Variants in XPR1 observed in about 807,000 individuals in gnomAD.
XPR1 encodes the protein solute carrier family 53 member 1.
In XPR1, 28 loss-of-function variants were observed where a neutral mutation model predicts 87.5. The ratio of observed to expected loss-of-function variants is 0.32; its 90% CI spans 0.24 to 0.44. XPR1 has a LOEUF of 0.44. Among genes scored for constraint, XPR1 ranks in the 20% least tolerant of loss-of-function variants. XPR1 has a pLI of 1.00. For missense variants in XPR1, 559 were observed against 862.3 expected, an observed-to-expected ratio of 0.65 and a Z score of 4.41; for synonymous variants, 300 against 306.1, an observed-to-expected ratio of 0.98 and a Z score of 0.21.
rs143304284 is a variant in XPR1, at chr1:180,731,289, A to C, written c.121+48878A>C. Among the ~76,000 whole-genome samples the C allele has an allele frequency of 4.6e-3, 696 of 152,334 alleles. 7 individuals carry two copies. The highest frequency in any genetic ancestry group is 0.016 in the African/African-American group (668 of 41,580). On this transcript the variant is annotated intron_variant, in intron 2 of 14. Coordinates refer to ENST00000367590, the MANE Select transcript of XPR1 (RefSeq NM_004736.4). ...CTGCTTGCCACACAGAAAGCTAATC[A>C]CTAATAAAAGTATTGCTAAGGAAGA... is the stretch of plus-strand genomic sequence containing the variant.
At chr1:180,881,336 T>C (rs1652848108) in intron 14 of XPR1, among the ~76,000 whole-genome samples, 1 of 152,112 alleles carries the variant, frequency 6.6e-6, no homozygotes, top group African/African-American at 2.4e-5. Flanking sequence ...GCTAATTTTT[T>C]GTGTTTTTGG....
intron 1 of XPR1, among the ~76,000 whole-genome samples, chr1:180,651,039 G>A (rs1655277215): frequency 6.6e-6 from 1 of 151,774 alleles, no homozygotes. Flanking sequence ...TGCATAACAG[G>A]ACCCCCTTTC....
intron 2 of XPR1, among the ~76,000 whole-genome samples, chr1:180,736,138 G>A (rs549492789): frequency 9.9e-5 from 15 of 152,206 alleles, no homozygotes; most frequent in African/African-American, 2.2e-4. Flanking sequence ...GGGGGTGGTC[G>A]GAAAACACTG....
intron 7 of XPR1, among the ~76,000 whole-genome samples, chr1:180,824,022 A>G (rs1314610623): frequency 6.6e-6 from 1 of 152,154 alleles, no homozygotes; most frequent in Admixed American, 6.5e-5. Flanking sequence ...TTTCATGGCA[A>G]CTCTGTGAGG....
Position 180,887,056 on chromosome 1 carries a change from C to G in XPR1, c.*2990C>G, listed in dbSNP as rs1653034731. 9 of 152,404 alleles carry G rather than the reference C, an allele frequency of 5.9e-5. No homozygotes were observed. Among genetic ancestry groups the G allele is most frequent in the Admixed American group, 5.9e-4 (9 of 15,302 alleles). The allele number at this position is 152,404 out of a possible 1,614,324, so 9.4% of individuals were successfully genotyped here. Reference sequence around the variant, plus strand: ...GCGTGGTGGCGCATGCCTGTAATCCCAGCTACTCAGGAGACTGAGGCAGGA... The same window carrying G: ...GCGTGGTGGCGCATGCCTGTAATCCGAGCTACTCAGGAGACTGAGGCAGGA... On this transcript the variant is annotated 3_prime_UTR_variant, in exon 15 of 15. Transcript: ENST00000367590.
chr1:180,645,319 A>G (rs1199498238), intron 1 of XPR1, among the ~76,000 whole-genome samples: 1 of 152,222 alleles, frequency 6.6e-6, no homozygotes, highest in Non-Finnish European at 1.5e-5. Flanking sequence ...GCTGGGAGAA[A>G]GAAGGCCCTG....
chr1:180,632,026 A>G lies in XPR1; in HGVS notation c.-176A>G. On this transcript the variant is annotated 5_prime_UTR_variant, in exon 1 of 15. Transcript: ENST00000367590. ...AGGGCGGGGAGGGGCGGGGCTATGGAGAGGAGGAGGAAGATGGCGGGCGGG... is the reference window on the plus strand; with the variant it reads ...AGGGCGGGGAGGGGCGGGGCTATGGGGAGGAGGAGGAAGATGGCGGGCGGG... 5.7e-6 allele frequency: 4 copies of G among 701,858 alleles called. No homozygotes were observed. The highest frequency in any genetic ancestry group is 3.3e-5 in the South Asian group (2 of 60,242). The allele number at this position is 701,858 out of a possible 1,614,324, so 43.5% of individuals were successfully genotyped here. A position where few individuals can be genotyped will look rare whatever the true frequency, so the allele number is the denominator to read the frequency against.
At chr1:180,736,290 T>A (rs1658728476) in intron 2 of XPR1, among the ~76,000 whole-genome samples, 1 of 152,074 alleles carries the variant, frequency 6.6e-6, no homozygotes, top group African/African-American at 2.4e-5. Context: ...CCTGAAATAA[T>A]TACAGTGAGA....
chr1:180,805,999 T>A, intron 4 of XPR1, 63 bp from the exon 5 acceptor site: 1 of 1,562,552 alleles, frequency 6.4e-7, no homozygotes, highest in Non-Finnish European at 8.7e-7. Flanking sequence ...TTAGTGCTTA[T>A]TCTTTTTCAT....
chr1:180,676,438 A>G (rs937249651), intron 1 of XPR1, among the ~76,000 whole-genome samples: 7 of 151,854 alleles, frequency 4.6e-5, no homozygotes, highest in Admixed American at 1.3e-4. Flanking sequence ...GGCTGGACCA[A>G]TTTTTCCTTT....
At chr1:180,849,607 CAAAT>C (rs1651799958) in intron 11 of XPR1, among the ~76,000 whole-genome samples, 1 of 152,118 alleles carries the variant, frequency 6.6e-6, no homozygotes, top group African/African-American at 2.4e-5. Context: ...AATATAGAGA[CAAAT>C]AAAAGTAGAT....
intron 10 of XPR1, 118 bp downstream of exon 10, chr1:180,835,163 T>C (rs553015238): frequency 1.8e-6 from 2 of 1,130,760 alleles, no homozygotes; most frequent in Admixed American, 3.0e-5. Flanking sequence ...TATTATAAAC[T>C]TAATTTAATG....
intron 2 of XPR1, among the ~76,000 whole-genome samples, chr1:180,704,257 T>TATATATAC (rs1657468631): frequency 7.3e-6 from 1 of 136,080 alleles, no homozygotes; most frequent in African/African-American, 2.7e-5. Context: ...TATATATATA[T>TATATATAC]ATATATATAT....
intron 1 of XPR1, among the ~76,000 whole-genome samples, chr1:180,681,441 C>T (rs925822890): frequency 5.9e-5 from 9 of 152,034 alleles, no homozygotes; most frequent in Non-Finnish European, 1.5e-5. Flanking sequence ...GTCAGGAGAT[C>T]GAGACCATCC....
intron 3 of XPR1, among the ~76,000 whole-genome samples, chr1:180,790,595 A>C (rs1649334947): frequency 6.6e-6 from 1 of 152,258 alleles, no homozygotes; most frequent in Non-Finnish European, 1.5e-5. Context: ...GCTGGAGTGC[A>C]GTGGTGCGAT....
intron 2 of XPR1, among the ~76,000 whole-genome samples, chr1:180,732,166 C>T (rs1658575732): frequency 6.9e-6 from 1 of 145,430 alleles, no homozygotes; most frequent in Non-Finnish European, 1.5e-5. Flanking sequence ...GCACTCTAGC[C>T]TGGGTGACAA....
At chr1:180,698,202 A>G (rs145556318) in intron 2 of XPR1, among the ~76,000 whole-genome samples, 1 of 152,020 alleles carries the variant, frequency 6.6e-6, no homozygotes, top group African/African-American at 2.4e-5. Flanking sequence ...TCTTTGTCTC[A>G]TTTTACAGTT....
intron 6 of XPR1, among the ~76,000 whole-genome samples, chr1:180,807,892 T>C (rs1389572076): frequency 6.6e-6 from 1 of 152,082 alleles, no homozygotes; most frequent in Non-Finnish European, 1.5e-5. Flanking sequence ...TAATCCCAGC[T>C]ACTTGAGAGG....
At chr1:180,685,163 A>G (rs964755875) in intron 2 of XPR1, among the ~76,000 whole-genome samples, 13 of 152,240 alleles carry the variant, frequency 8.5e-5, no homozygotes, top group African/African-American at 3.1e-4. Context: ...ACGTCCCATC[A>G]ATACCTAATT....
Sources: allele counts gnomAD v4.1 joint callset (sites outside exome capture counted in the v4.1 genomes callset), GRCh38; gene constraint gnomAD v4.1.1; transcripts MANE v1.5; gene names NCBI Gene and HGNC (gene_info 2026-07-23, HGNC 2026-07-21).